The following DLGAP4 variants were observed in gnomAD, a reference collection of about 807,000 sequenced individuals.
DLGAP4 encodes disks large-associated protein 4.
DLGAP4 carries 18 observed loss-of-function variants against 86.9 expected under a neutral mutation model. That is an observed-to-expected ratio of 0.21 (90% CI 0.14 to 0.31). DLGAP4 has a LOEUF of 0.31. Ranked by LOEUF, DLGAP4 falls within the 10% of genes least tolerant of loss-of-function variation. DLGAP4 has a pLI of 1.00. For synonymous variants in DLGAP4, 548 were observed against 574.3 expected (o/e 0.95, Z 0.65); for missense variants, 1,085 against 1,362.6 (o/e 0.80, Z 3.21).
At chr20:36,307,833 G>T (rs562780500) in intron 1 of DLGAP4, among the ~76,000 whole-genome samples, 1 of 152,344 alleles carries the variant, frequency 6.6e-6, no homozygotes, top group Non-Finnish European at 1.5e-5. Flanking sequence ...GCTGTTTTCC[G>T]CCAGCTGGAA....
At chr20:36,364,863 G>A (rs1215857568) in intron 1 of DLGAP4, among the ~76,000 whole-genome samples, 5 of 152,140 alleles carry the variant, frequency 3.3e-5, no homozygotes, top group Non-Finnish European at 7.3e-5. Context: ...GAGAGGCTGA[G>A]GTGGATGGAT....
intron 7 of DLGAP4, 21 bp downstream of exon 7, chr20:36,446,958 AG>A: frequency 1.3e-6 from 2 of 1,584,064 alleles, no homozygotes; most frequent in Admixed American, 3.4e-5. Context: ...TGATGAGGGA[AG>A]GGGTTTTTTT....
At chr20:36,486,614 G>C (rs922822447) in intron 7 of DLGAP4, among the ~76,000 whole-genome samples, 5 of 152,096 alleles carry the variant, frequency 3.3e-5, no homozygotes, top group African/African-American at 7.2e-5. Context: ...TATGGAATGG[G>C]GAGCCTTTTT....
rs1442344586 is a variant in DLGAP4, at chr20:36,436,335, A to G, written c.1226A>G (p.Gln409Arg). 3 of 1,596,912 alleles carry G rather than the reference A, an allele frequency of 1.9e-6. No homozygotes were observed. Among genetic ancestry groups the G allele is most frequent in the Non-Finnish European group, 2.6e-6 (3 of 1,175,360 alleles). Reference protein sequence around the residue: ...LRATQQSLGEQSNPRRSLDRL... With the variant: ...LRATQQSLGERSNPRRSLDRL... Reference sequence around the variant, plus strand: ...GCCACGCAGCAGTCGCTGGGAGAGCAGAGCAACCCCCGCAGGTAGGCGCGC... The same window carrying G: ...GCCACGCAGCAGTCGCTGGGAGAGCGGAGCAACCCCCGCAGGTAGGCGCGC... The change falls in exon 4 of 13, where the codon CAG (glutamine) becomes CGG (arginine). Residue 409 changes from glutamine (Q) to arginine (R), a missense_variant. Transcript: ENST00000339266.
intron 2 of DLGAP4, among the ~76,000 whole-genome samples, chr20:36,416,341 C>G (rs149031121): frequency 2.6e-5 from 4 of 152,224 alleles, no homozygotes; most frequent in African/African-American, 4.8e-5. Context: ...AGGCTGGTCT[C>G]GAACTCCTGA....
intron 2 of DLGAP4, among the ~76,000 whole-genome samples, chr20:36,401,528 C>T (rs970307663): frequency 6.6e-6 from 1 of 152,202 alleles, no homozygotes. Context: ...ATTGCCCTTC[C>T]TGCTTCTCCC....
intron 10 of DLGAP4, among the ~76,000 whole-genome samples, chr20:36,509,073 T>G (rs1486631272): frequency 6.6e-6 from 1 of 152,228 alleles, no homozygotes; most frequent in Non-Finnish European, 1.5e-5. Flanking sequence ...TATTGGCCAT[T>G]TAAACTTCTG....
intron 1 of DLGAP4, among the ~76,000 whole-genome samples, chr20:36,323,175 CAAA>C (rs1164348704): frequency 5.7e-5 from 2 of 35,374 alleles, no homozygotes; most frequent in South Asian, 1.3e-3. Context: ...GACCCTATCT[CAAA>C]AAAAAAAAAA....
chr20:36,454,235 G>A (rs1197064339), intron 7 of DLGAP4, among the ~76,000 whole-genome samples: 1 of 149,620 alleles, frequency 6.7e-6, no homozygotes, highest in Non-Finnish European at 1.5e-5. Flanking sequence ...CTCCAGCCTG[G>A]GCGACAGAGC....
intron 2 of DLGAP4, among the ~76,000 whole-genome samples, chr20:36,392,994 C>T (rs541297864): frequency 1.1e-4 from 16 of 151,500 alleles, no homozygotes; most frequent in South Asian, 1.0e-3. Flanking sequence ...ACAGCCAGTA[C>T]GCCCTGAGGC....
intron 7 of DLGAP4, among the ~76,000 whole-genome samples, chr20:36,453,731 G>A (rs1224691547): frequency 6.7e-6 from 1 of 148,362 alleles, no homozygotes; most frequent in Admixed American, 6.7e-5. Flanking sequence ...TCAGGAGTTC[G>A]AGACCAGCCT....
At chr20:36,379,785 G>A (rs2031305566) in intron 2 of DLGAP4, among the ~76,000 whole-genome samples, 1 of 152,202 alleles carries the variant, frequency 6.6e-6, no homozygotes, top group Admixed American at 6.5e-5. Context: ...CCCTCCCTAA[G>A]CCTCACCTGT....
intron 2 of DLGAP4, among the ~76,000 whole-genome samples, chr20:36,390,027 C>T (rs1261797673): frequency 6.6e-6 from 1 of 152,206 alleles, no homozygotes; most frequent in Non-Finnish European, 1.5e-5. Context: ...GGGAAACAGC[C>T]AGGACCACAC....
chr20:36,389,705 A>C (rs1055311876), intron 2 of DLGAP4, among the ~76,000 whole-genome samples: 3 of 152,244 alleles, frequency 2.0e-5, no homozygotes, highest in African/African-American at 7.2e-5. Context: ...AGATGATTCT[A>C]GGTTATACTT....
At chr20:36,400,857 G>A (rs6031648) in intron 2 of DLGAP4, among the ~76,000 whole-genome samples, 7 of 152,274 alleles carry the variant, frequency 4.6e-5, no homozygotes, top group African/African-American at 1.7e-4. Flanking sequence ...AACCAGGTGC[G>A]GAGTTTCGAG....
intron 10 of DLGAP4, among the ~76,000 whole-genome samples, chr20:36,509,205 TTGAGTTCA>T (rs2036550521): frequency 1.3e-5 from 2 of 152,142 alleles, no homozygotes; most frequent in Admixed American, 1.3e-4. Context: ...GGAAGATTGC[TTGAGTTCA>T]GGAGTTCAAA....
In DLGAP4 at chr20:36,442,724, C is replaced by T; in HGVS notation, c.1357-3C>T. On this transcript the variant is annotated splice_polypyrimidine_tract_variant and splice_region_variant and intron_variant, in intron 5 of 12. Transcript: ENST00000339266. ...CATAACCCTCACCCTCTCTTTCCTG[C>T]AGATTTTTGGACAGGCCTCCCTGAT... 1 of 1,614,206 alleles carries T rather than the reference C, an allele frequency of 6.2e-7. No individual in the cohort carries two copies. Among genetic ancestry groups the T allele is most frequent in the East Asian group, 2.2e-5 (1 of 44,880 alleles).
At chr20:36,408,048 C>T (rs1216769976) in intron 2 of DLGAP4, among the ~76,000 whole-genome samples, 1 of 151,720 alleles carries the variant, frequency 6.6e-6, no homozygotes, top group Non-Finnish European at 1.5e-5. Context: ...TCCAAAGGGC[C>T]CTTTGTCGGG....
intron 10 of DLGAP4, among the ~76,000 whole-genome samples, chr20:36,504,665 C>A (rs1266660236): frequency 6.6e-6 from 1 of 152,194 alleles, no homozygotes; most frequent in Non-Finnish European, 1.5e-5. Context: ...CTGTTATCTT[C>A]TGTCTTTTAA....
Sources: allele counts gnomAD v4.1 joint callset (sites outside exome capture counted in the v4.1 genomes callset), GRCh38; gene constraint gnomAD v4.1.1; transcripts MANE v1.5; gene names NCBI Gene and HGNC (gene_info 2026-07-23, HGNC 2026-07-21).